Variants in NOS1AP observed in about 807,000 individuals in gnomAD.
The protein encoded by NOS1AP is nitric oxide synthase 1 adaptor protein.
In NOS1AP, 21 loss-of-function variants were observed where a neutral mutation model predicts 56.2. That is an observed-to-expected ratio of 0.37 (90% CI 0.26 to 0.54). The LOEUF is 0.54. Ranked by LOEUF, NOS1AP falls within the 20% of genes least tolerant of loss-of-function variation. The pLI, the probability that NOS1AP is intolerant of heterozygous loss-of-function variation, is 0.84. For synonymous variants in NOS1AP, 270 were observed against 274.6 expected, an observed-to-expected ratio of 0.98 and a Z score of 0.17; for missense variants, 522 against 657.8, an observed-to-expected ratio of 0.79 and a Z score of 2.26.
intron 3 of NOS1AP, among the ~76,000 whole-genome samples, chr1:162,289,140 C>T (rs145263220): frequency 1.5e-4 from 23 of 152,282 alleles, no homozygotes; most frequent in African/African-American, 5.3e-4. Flanking sequence ...AGAATCTTCC[C>T]ACCACCCCAC....
At chr1:162,249,749 T>TA (rs1452338044) in intron 2 of NOS1AP, among the ~76,000 whole-genome samples, 1 of 152,148 alleles carries the variant, frequency 6.6e-6, no homozygotes. Context: ...GAAGTTTACT[T>TA]ACAGATAAGA....
intron 2 of NOS1AP, among the ~76,000 whole-genome samples, chr1:162,248,860 T>G (rs1277785085): frequency 6.6e-6 from 1 of 152,184 alleles, no homozygotes; most frequent in Non-Finnish European, 1.5e-5. Flanking sequence ...CTCAATATGT[T>G]TTTTTCATCT....
At chr1:162,145,500 T>C (rs1649424680) in intron 1 of NOS1AP, among the ~76,000 whole-genome samples, 1 of 152,132 alleles carries the variant, frequency 6.6e-6, no homozygotes, top group African/African-American at 2.4e-5. Context: ...TGCCCCGGAA[T>C]CTGGGGCCGC....
At chr1:162,179,652 G>A (rs907822427) in intron 2 of NOS1AP, among the ~76,000 whole-genome samples, 1 of 152,232 alleles carries the variant, frequency 6.6e-6, no homozygotes, top group African/African-American at 2.4e-5. Flanking sequence ...CACAGAGGCT[G>A]TGATCCTTGA....
chr1:162,298,690 C>G (rs1243375580), intron 3 of NOS1AP, among the ~76,000 whole-genome samples: 3 of 152,114 alleles, frequency 2.0e-5, no homozygotes, highest in African/African-American at 7.2e-5. Flanking sequence ...ATCTCAACTT[C>G]TGTAAAAAAA....
At chr1:162,317,644 A>C (rs892929474) in intron 4 of NOS1AP, 1 of 152,180 alleles carries the variant, frequency 6.6e-6, no homozygotes, top group Non-Finnish European at 1.5e-5. Flanking sequence ...CAGCCCTCGT[A>C]TATCTACATG....
chr1:162,158,804 T>C (rs1650078101), intron 2 of NOS1AP, among the ~76,000 whole-genome samples: 1 of 152,184 alleles, frequency 6.6e-6, no homozygotes, highest in Admixed American at 6.5e-5. Flanking sequence ...TCCCCAGAAC[T>C]ACAGGATGGT....
At chr1:162,284,992 T>C (rs1259895079) in intron 2 of NOS1AP, among the ~76,000 whole-genome samples, 1 of 152,182 alleles carries the variant, frequency 6.6e-6, no homozygotes, top group African/African-American at 2.4e-5. Context: ...AATGATGTAG[T>C]GTTTTGCAGA....
intron 2 of NOS1AP, among the ~76,000 whole-genome samples, chr1:162,185,308 T>C (rs553850352): frequency 3.3e-5 from 5 of 152,372 alleles, no homozygotes; most frequent in African/African-American, 1.2e-4. Flanking sequence ...GATTAGTGTG[T>C]AGACATCTTT....
intron 4 of NOS1AP, among the ~76,000 whole-genome samples, chr1:162,325,851 G>C (rs946764076): frequency 6.6e-6 from 1 of 151,578 alleles, no homozygotes; most frequent in Non-Finnish European, 1.5e-5. Context: ...ATGCCCATGC[G>C]TTCCAGGACC....
intron 1 of NOS1AP, among the ~76,000 whole-genome samples, chr1:162,145,061 C>T (rs897427260): frequency 5.3e-5 from 8 of 152,202 alleles, no homozygotes; most frequent in African/African-American, 4.8e-5. Flanking sequence ...GCACATTCAT[C>T]GGCCCCTGCT....
At chr1:162,186,413 CA>C (rs1253302159) in intron 2 of NOS1AP, among the ~76,000 whole-genome samples, 1 of 150,498 alleles carries the variant, frequency 6.6e-6, no homozygotes, top group African/African-American at 2.4e-5. Flanking sequence ...CAAAACAAAA[CA>C]AAACAAAAAA....
intron 3 of NOS1AP, among the ~76,000 whole-genome samples, chr1:162,294,551 C>T (rs947368396): frequency 8.5e-5 from 13 of 152,250 alleles, no homozygotes; most frequent in African/African-American, 3.1e-4. Flanking sequence ...GTTTACTAAT[C>T]GAGATATGAA....
intron 2 of NOS1AP, among the ~76,000 whole-genome samples, chr1:162,248,220 T>C (rs1653735059): frequency 6.6e-6 from 1 of 152,170 alleles, no homozygotes; most frequent in Admixed American, 6.5e-5. Context: ...CATAATTTAT[T>C]GATAAGGCTT....
intron 2 of NOS1AP, among the ~76,000 whole-genome samples, chr1:162,196,362 C>T (rs1438068567): frequency 4.6e-5 from 7 of 152,208 alleles, no homozygotes; most frequent in Admixed American, 1.3e-4. Flanking sequence ...ATACCACGCT[C>T]TTTCTGTATT....
chr1:162,157,493 C>T (rs1236833537), intron 2 of NOS1AP, among the ~76,000 whole-genome samples: 2 of 152,204 alleles, frequency 1.3e-5, no homozygotes, highest in Non-Finnish European at 2.9e-5. Flanking sequence ...AAGGACTATT[C>T]TTGACTTTGT....
At chr1:162,308,633 G>A (rs1195471984) in intron 4 of NOS1AP, among the ~76,000 whole-genome samples, 1 of 152,212 alleles carries the variant, frequency 6.6e-6, no homozygotes, top group Non-Finnish European at 1.5e-5. Context: ...TCATTCTGCA[G>A]TGTTGCCCCT....
chr1:162,254,667 G>T (rs1300881778), intron 2 of NOS1AP, among the ~76,000 whole-genome samples: 1 of 152,192 alleles, frequency 6.6e-6, no homozygotes, highest in Non-Finnish European at 1.5e-5. Context: ...AAGGAGAAGG[G>T]ACATGAGGAA....
intron 2 of NOS1AP, among the ~76,000 whole-genome samples, chr1:162,279,326 C>T (rs966676263): frequency 1.3e-5 from 2 of 152,208 alleles, no homozygotes; most frequent in Admixed American, 6.5e-5. Context: ...GCAACCGCCA[C>T]TTGGAGCTCC....
Sources: gnomAD v4.1 joint callset for allele counts (sites outside exome capture counted in the v4.1 genomes callset) on GRCh38, gnomAD v4.1.1 for gene constraint, MANE v1.5 for transcripts, NCBI Gene and HGNC (gene_info 2026-07-23, HGNC 2026-07-21) for gene names.